The following ARHGAP27 variants were observed in gnomAD, a reference collection of about 807,000 sequenced individuals.
ARHGAP27 encodes rho GTPase-activating protein 27.
Under a neutral mutation model 102.0 loss-of-function variants are expected in ARHGAP27, and 53 were observed. The ratio of observed to expected loss-of-function variants is 0.52; its 90% CI spans 0.42 to 0.65. The LOEUF (loss-of-function observed/expected upper bound fraction) is 0.65. Ranked by LOEUF, ARHGAP27 falls within the 30% of genes least tolerant of loss-of-function variation. The pLI is 0.00. For synonymous variants in ARHGAP27, 525 were observed against 542.8 expected (o/e 0.97, Z 0.46); for missense variants, 1,117 against 1,256.2 (o/e 0.89, Z 1.68).
rs1249768430 is a variant in ARHGAP27 at position 45,431,682 on chromosome 17, G to A, written c.-80C>T. 5.6e-6 allele frequency: 1 copy of A among 178,586 alleles called. No individual in the cohort carries two copies. Among genetic ancestry groups the A allele is most frequent in the Non-Finnish European group, 1.2e-5 (1 of 84,442 alleles). The allele number at this position is 178,586 out of a possible 1,614,324, so 11.1% of individuals were successfully genotyped here. ...GTGGGCGGAGCCGGCGGTGGCTGCA[G>A]GTTAGGCCCCTACCATCGCCCTGGG... On this transcript the variant is annotated 5_prime_UTR_variant, in exon 3 of 20. Coordinates refer to ENST00000685559, the MANE Select transcript of ARHGAP27 (RefSeq NM_001282290.2).
rs770352135 is a variant in ARHGAP27 at position 45,396,090 on chromosome 17, C to T, written c.2279G>A (p.Arg760His). 5.0e-6 allele frequency: 8 copies of T among 1,613,334 alleles called. No individual in the cohort carries two copies. In the South Asian group the frequency reaches 6.6e-5, roughly 13 times the overall value. Residue 760 changes from arginine to histidine, a missense_variant, in exon 18 of 20, where the codon CGC (arginine) becomes CAC (histidine). Arg to His is a conservative substitution (Grantham distance 29). Around this residue, in one of 3 missense-constraint regions of ARHGAP27, gnomAD observed 493 missense variants for 505.5 expected, o/e 0.98. Coordinates refer to ENST00000685559, the MANE Select transcript of ARHGAP27 (RefSeq NM_001282290.2). ...HDERLDLDDG[R>H]WEDVHVITGA... The stretch of plus-strand genomic sequence containing the variant: ...GGTGATAACGTGGACGTCCTCCCAG[C>T]GCCCGTCATCCAGGTCAAGGCGCTC...
At chr17:45,405,524 G>A in intron 5 of ARHGAP27, 152 bp downstream of exon 5, 2 of 1,153,008 alleles carry the variant, frequency 1.7e-6, no homozygotes, top group Non-Finnish European at 1.2e-6. Context: ...CCCTGGGTCT[G>A]TGGGAGCAGG....
At chr17:45,402,426 A>G (rs1346569550) in intron 12 of ARHGAP27, among the ~76,000 whole-genome samples, 1 of 152,192 alleles carries the variant, frequency 6.6e-6, no homozygotes, top group Non-Finnish European at 1.5e-5. Flanking sequence ...GCGGGGGTGC[A>G]GCGTTGGCCT....
chr17:45,398,283 A>G (rs1375984123), intron 12 of ARHGAP27, among the ~76,000 whole-genome samples: 1 of 152,190 alleles, frequency 6.6e-6, no homozygotes, highest in Non-Finnish European at 1.5e-5. Flanking sequence ...AGCAAGTTTT[A>G]GCTGCTTCCT....
chr17:45,396,387 C>A (rs947792766), intron 16 of ARHGAP27, 100 bp downstream of exon 16: 13 of 1,469,344 alleles, frequency 8.8e-6, no homozygotes, highest in African/African-American at 8.4e-5. Flanking sequence ...TACTTTCCCC[C>A]TGGACCCTGC....
At chr17:45,429,576 TC>T in intron 4 of ARHGAP27, 46 bp downstream of exon 4, 1 of 1,576,164 alleles carries the variant, frequency 6.3e-7, no homozygotes. Context: ...GCGGGCGCGG[TC>T]CCTAGCGCGC....
At chr17:45,397,928 G>C (rs2045945009) in intron 13 of ARHGAP27, 21 bp downstream of exon 13, 1 of 1,583,700 alleles carries the variant, frequency 6.3e-7, no homozygotes, top group Non-Finnish European at 8.6e-7. Context: ...ACTGCCCCTA[G>C]AGGCCCTGGG....
In ARHGAP27 at chr17:45,416,027, T is replaced by C. The variant is rs1428638115; in HGVS notation, c.658-9944A>G. On this transcript the variant is annotated intron_variant, in intron 4 of 19. Coordinates refer to ENST00000685559, the MANE Select transcript of ARHGAP27 (RefSeq NM_001282290.2). ...TACTTTTCAGAGATGCATGCTGAAG[T>C]TTTTGTTTTTTTTTTTTGTTTGTTT... Among the ~76,000 whole-genome samples, 8 of 147,442 alleles carry C rather than the reference T, an allele frequency of 5.4e-5. No homozygotes were observed. The Admixed American group carries it at 5.5e-4, about 10-fold the overall frequency.
At position 45,405,050 on chromosome 17, in the gene ARHGAP27, G is replaced by T; in HGVS notation, c.1122C>A (p.Asp374Glu). 1 of 1,612,272 alleles carries T rather than the reference G, an allele frequency of 6.2e-7. No individual in the cohort carries two copies. Among genetic ancestry groups the T allele is most frequent in the Non-Finnish European group, 8.5e-7 (1 of 1,178,810 alleles). ...CACCGAAAGAGCCCACGGGAGAATAGTCCTCCTCGGGGTAACTGGTCAGCG... is the reference window on the plus strand; with the variant it reads ...CACCGAAAGAGCCCACGGGAGAATATTCCTCCTCGGGGTAACTGGTCAGCG... ...PESLTSYPEE[D>E]YSPVGSFGEP... is the part of the protein sequence containing the mutation. The change falls in exon 6 of 20, where the codon GAC (aspartate) becomes GAA (glutamate). Residue 374 changes from aspartate to glutamate, a missense_variant. Transcript: ENST00000685559.
Position 45,397,964 on chromosome 17 carries a change from C to G in ARHGAP27, c.1827G>C (p.Gln609His). Residue 609 changes from glutamine (Q) to histidine (H), a missense_variant, in exon 13 of 20, where the codon CAG becomes CAC. By Grantham distance (24) the Gln-to-His change is conservative. Around this residue, in one of 3 missense-constraint regions of ARHGAP27, gnomAD observed 493 missense variants for 505.5 expected, o/e 0.98. Coordinates refer to ENST00000685559, the MANE Select transcript of ARHGAP27 (RefSeq NM_001282290.2). ...CTCTGCTTACCAGCTCCTGGATGCC[C>G]TGAGCAATGGCCTTATGCCAGGTGC... ...IISTWHKAIA[Q>H]GIQELSAELP... 1 of 1,608,616 alleles carries G rather than the reference C, an allele frequency of 6.2e-7. No homozygotes were observed. The highest frequency in any genetic ancestry group is 1.3e-5 in the African/African-American group (1 of 75,002).
Position 45,398,033 on chromosome 17 carries a change from A to G in ARHGAP27, c.1758T>C (p.Asp586=), listed in dbSNP as rs2045954143. The change falls in exon 13 of 20, where the codon GAT becomes GAC. Residue 586 remains aspartate (D), a synonymous_variant. Coordinates refer to ENST00000685559, the MANE Select transcript of ARHGAP27 (RefSeq NM_001282290.2). The part of the protein sequence containing the change: ...RKNVLELRSR[D]GSEYLIQHDS... ...CGTGCTGGATCAGGTACTCAGAGCC[A>G]TCTCGGCTCCGTAGCTGGAGGGACA... is the stretch of plus-strand genomic sequence containing the variant. 5.0e-6 allele frequency: 8 copies of G among 1,603,896 alleles called. No homozygotes were observed. The highest frequency in any genetic ancestry group is 1.7e-5 in the Admixed American group (1 of 59,830).
intron 11 of ARHGAP27, among the ~76,000 whole-genome samples, chr17:45,403,398 A>T (rs1178734844): frequency 3.3e-5 from 5 of 152,154 alleles, no homozygotes; most frequent in Non-Finnish European, 5.9e-5. Flanking sequence ...TATCTCTACT[A>T]AAAACACAAA....
At chr17:45,404,390 GC>G (rs1555555039) in intron 8 of ARHGAP27, 54 bp downstream of exon 8, 2 of 1,613,530 alleles carry the variant, frequency 1.2e-6, no homozygotes, top group East Asian at 2.2e-5. Context: ...AACTCCAGAA[GC>G]CCCCCACTGC....
At chr17:45,410,364 C>G in intron 4 of ARHGAP27, 1 of 1,386,514 alleles carries the variant, frequency 7.2e-7, no homozygotes, top group Middle Eastern at 1.9e-4. Context: ...TACCCCAGTG[C>G]TGGCACAGGG....
chr17:45,418,146 C>T (rs1436212475), intron 4 of ARHGAP27, among the ~76,000 whole-genome samples: 2 of 149,632 alleles, frequency 1.3e-5, no homozygotes, highest in Non-Finnish European at 3.0e-5. Context: ...GGTCTCACTG[C>T]GTTTTTCAGG....
At chr17:45,415,053 A>T (rs1306689415) in intron 4 of ARHGAP27, among the ~76,000 whole-genome samples, 1 of 142,204 alleles carries the variant, frequency 7.0e-6, no homozygotes, top group African/African-American at 2.6e-5. Context: ...ACAGAGAGAG[A>T]GTCCATCTCA....
At chr17:45,418,883 C>T (rs1444403211) in intron 4 of ARHGAP27, among the ~76,000 whole-genome samples, 1 of 152,188 alleles carries the variant, frequency 6.6e-6, no homozygotes, top group African/African-American at 2.4e-5. Flanking sequence ...AAGGCCAGGG[C>T]ACCAAGGAGA....
chr17:45,411,112 A>C (rs2047860893), intron 4 of ARHGAP27, among the ~76,000 whole-genome samples: 1 of 152,078 alleles, frequency 6.6e-6, no homozygotes, highest in Non-Finnish European at 1.5e-5. Flanking sequence ...GACCCAGAGA[A>C]GAGGGCCAGG....
In ARHGAP27 at chr17:45,430,400, G is replaced by A. The variant is rs1336203056; in HGVS notation, c.-18-103C>T. ...GGGTTCGAGTCCCGATCCTGCACTC[G>A]CCGTTCGCCTTCGGGCCTCAGTTTT... On this transcript the variant is annotated intron_variant, in intron 3 of 19. Coordinates refer to ENST00000685559, the MANE Select transcript of ARHGAP27 (RefSeq NM_001282290.2). The surrounding 1 kb of genome is among the most constrained non-coding windows in gnomAD (Gnocchi z 4.4). 5.5e-6 allele frequency: 8 copies of A among 1,446,468 alleles called. No individual in the cohort carries two copies. The highest frequency in any genetic ancestry group is 3.0e-5 in the African/African-American group (2 of 67,772). The allele number at this position is 1,446,468 out of a possible 1,614,324, so 89.6% of individuals were successfully genotyped here.
Sources: gnomAD v4.1 joint callset for allele counts (sites outside exome capture counted in the v4.1 genomes callset) on GRCh38, gnomAD v4.1.1 for gene constraint, gnomAD v4.1.1 regional missense constraint, Gnocchi (gnomAD v3.1) non-coding constraint, MANE v1.5 for transcripts, NCBI Gene and HGNC (gene_info 2026-07-23, HGNC 2026-07-21) for gene names.